Variants in PLCD1 observed in about 807,000 individuals in gnomAD.
PLCD1 encodes the protein 1-phosphatidylinositol 4,5-bisphosphate phosphodiesterase delta-1.
A neutral mutation model predicts 87.4 loss-of-function variants in PLCD1; 71 were observed. The observed-to-expected ratio is 0.81, with a 90% CI of 0.67 to 0.99. PLCD1 has a LOEUF of 0.99. PLCD1 is among the 50% of genes least tolerant of loss of function. The pLI is 0.00. For synonymous variants in PLCD1, 348 were observed against 399.2 expected, an observed-to-expected ratio of 0.87 and a Z score of 1.53; for missense variants, 867 against 1,001.5, an observed-to-expected ratio of 0.87 and a Z score of 1.81.
chr3:38,010,300 C>T, intron 6 of PLCD1, 25 bp from the exon 7 acceptor site: 1 of 1,614,178 alleles, frequency 6.2e-7, no homozygotes, highest in Non-Finnish European at 8.5e-7. Context: ...GTGGCTAGGA[C>T]CCTCCAGGTC....
intron 1 of PLCD1, among the ~76,000 whole-genome samples, chr3:38,022,280 C>A (rs1341542706): frequency 5.3e-5 from 8 of 152,224 alleles, no homozygotes; most frequent in Non-Finnish European, 7.3e-5. Flanking sequence ...ATATTCCCAA[C>A]TACTGGCTGT....
chr3:38,026,954 G>T (rs1417269060), intron 1 of PLCD1, among the ~76,000 whole-genome samples: 1 of 152,196 alleles, frequency 6.6e-6, no homozygotes, highest in Non-Finnish European at 1.5e-5. Context: ...CTCTTGCAGG[G>T]GTGGGGGCAA....
At chr3:38,014,782 T>G (rs1700130589) in intron 3 of PLCD1, 1 of 151,858 alleles carries the variant, frequency 6.6e-6, no homozygotes, top group African/African-American at 2.4e-5. Flanking sequence ...TACAACTCAA[T>G]AATAAAGACA....
intron 3 of PLCD1, among the ~76,000 whole-genome samples, 159 bp from the exon 4 acceptor site, chr3:38,011,832 G>GTTACGTCCCA (rs967011231): frequency 2.1e-5 from 2 of 94,448 alleles, no homozygotes; most frequent in African/African-American, 6.6e-5. Flanking sequence ...AGAGGAAAAT[G>GTTACGTCCCA]TTAAGGGGTC....
Position 38,007,604 on chromosome 3 carries a change from G to T in PLCD1, c.*169C>A. 1.4e-6 allele frequency: 1 copy of T among 704,738 alleles called. No individual in the cohort carries two copies. 43.7% of individuals were successfully genotyped at this position (704,738 alleles called of 1,614,324 possible). A position where few individuals can be genotyped will look rare whatever the true frequency, so the allele number is the denominator to read the frequency against. On this transcript the variant is annotated 3_prime_UTR_variant, in exon 15 of 15. Coordinates refer to ENST00000334661, the MANE Select transcript of PLCD1 (RefSeq NM_006225.4). Reference sequence around the variant, plus strand: ...AATGAAGGACAGCTCCAGGGACTGGGCTAGCTCCTGGTCCCCAGGGAGGCA... The same window carrying T: ...AATGAAGGACAGCTCCAGGGACTGGTCTAGCTCCTGGTCCCCAGGGAGGCA...
In PLCD1 at chr3:38,008,271, C is replaced by T. The variant is rs760972267; in HGVS notation, c.1999G>A (p.Val667Met). The T allele has an allele frequency of 7.4e-6, 12 of 1,614,028 alleles. No homozygotes were observed. Among genetic ancestry groups the T allele is most frequent in the African/African-American group, 1.3e-5 (1 of 74,940 alleles). ...TVEIHGVSRD[V>M]ASRQTAVITN... ...ATGACAGCAGTCTGGCGGCTGGCCA[C>T]GTCCCGGCTCACGCCATGGATCTCC... The change falls in exon 13 of 15, where the codon GTG becomes ATG. Residue 667 changes from valine to methionine, a missense_variant. By Grantham distance (21) the Val-to-Met change is conservative. Transcript: ENST00000334661.
At chr3:38,015,696 A>G (rs1219085627) in intron 3 of PLCD1, among the ~76,000 whole-genome samples, 1 of 152,248 alleles carries the variant, frequency 6.6e-6, no homozygotes, top group African/African-American at 2.4e-5. Context: ...CCAGTGTGTC[A>G]TTGTGTAACT....
Position 38,008,918 on chromosome 3 carries a change from A to G in PLCD1, c.1723+124T>C, listed in dbSNP as rs1173271369. 5.1e-6 allele frequency: 4 copies of G among 780,178 alleles called. No individual in the cohort carries two copies. The African/African-American group carries it at 5.2e-5, about 10-fold the overall frequency. The allele number at this position is 780,178 out of a possible 1,614,324, so 48.3% of individuals were successfully genotyped here. On this transcript the variant is annotated intron_variant, in intron 11 of 14. Coordinates refer to ENST00000334661, the MANE Select transcript of PLCD1 (RefSeq NM_006225.4). ...CCAGACTGATATTACCAGCTCCACA[A>G]GCCCCTGCATTTGACCCTGCTTGGG... is the stretch of plus-strand genomic sequence containing the variant.
rs1471122887 is a variant in PLCD1, at chr3:38,010,068, G to A, written c.1138-15C>T. 1.9e-6 allele frequency: 3 copies of A among 1,614,154 alleles called. No homozygotes were observed. Among genetic ancestry groups the A allele is most frequent in the Admixed American group, 1.7e-5 (1 of 60,034 alleles). On this transcript the variant is annotated splice_polypyrimidine_tract_variant and intron_variant, in intron 7 of 14. Coordinates refer to ENST00000334661, the MANE Select transcript of PLCD1 (RefSeq NM_006225.4). ...TAGGGGGACGCCTGGAGGCCCAAGGGCACATTAGGAGTGGTGGGCCACCCC... is the reference window on the plus strand; with the variant it reads ...TAGGGGGACGCCTGGAGGCCCAAGGACACATTAGGAGTGGTGGGCCACCCC...
chr3:38,009,356 A>C lies in PLCD1; in HGVS notation c.1522T>G (p.Ser508Ala), dbSNP rs766900159. ...YCKSVHFGGF[S>A]SPGTPGQAFY... is the part of the protein sequence containing the mutation. Reference sequence around the variant, plus strand: ...GCCTGTCCAGGGGTGCCAGGACTGGAGAAGCCCCCAAAGTGGACACTCTTG... The same window carrying C: ...GCCTGTCCAGGGGTGCCAGGACTGGCGAAGCCCCCAAAGTGGACACTCTTG... The change falls in exon 10 of 15, where the codon TCC (serine) becomes GCC (alanine). Residue 508 changes from serine to alanine, a missense_variant. Physicochemically the swap from Ser to Ala is moderately conservative, Grantham distance 99. Coordinates refer to ENST00000334661, the MANE Select transcript of PLCD1 (RefSeq NM_006225.4). The C allele has an allele frequency of 1.1e-5, 17 of 1,614,126 alleles. No individual in the cohort carries two copies. Among genetic ancestry groups the C allele is most frequent in the Non-Finnish European group, 1.4e-5 (17 of 1,179,978 alleles).
At chr3:38,020,103 T>G in intron 2 of PLCD1, 85 bp downstream of exon 2, 1 of 1,263,802 alleles carries the variant, frequency 7.9e-7, no homozygotes, top group South Asian at 1.2e-5. Context: ...ATCTGTGGTT[T>G]TGATCCATGA....
intron 10 of PLCD1, 32 bp downstream of exon 10, chr3:38,009,240 G>A: frequency 6.2e-7 from 1 of 1,613,822 alleles, no homozygotes; most frequent in Non-Finnish European, 8.5e-7. Context: ...CTCTGTAACA[G>A]AGCAGGGGAG....
In PLCD1 at chr3:38,020,369, G is replaced by T; in HGVS notation, c.35-17C>A. 1 of 1,613,086 alleles carries T rather than the reference G, an allele frequency of 6.2e-7. No individual in the cohort carries two copies. Among genetic ancestry groups the T allele is most frequent in the Non-Finnish European group, 8.5e-7 (1 of 1,179,564 alleles). ...CCTGTAGGCCTGGGGATCAAAGCCA[G>T]TAAGATGCCACCTTCTCCACTAGTT... On this transcript the variant is annotated splice_polypyrimidine_tract_variant and intron_variant, in intron 1 of 14. Coordinates refer to ENST00000334661, the MANE Select transcript of PLCD1 (RefSeq NM_006225.4).
chr3:38,008,660 C>T, intron 11 of PLCD1, 24 bp from the exon 12 acceptor site: 2 of 1,612,100 alleles, frequency 1.2e-6, no homozygotes, highest in Non-Finnish European at 1.7e-6. Context: ...AGAGCAGTCA[C>T]AGGCTGTGGG....
intron 1 of PLCD1, chr3:38,024,919 C>T (rs956161973): frequency 7.7e-6 from 2 of 259,046 alleles, no homozygotes; most frequent in South Asian, 7.4e-5. Context: ...GATCCAGAAC[C>T]CAGGAGGCGG....
intron 3 of PLCD1, among the ~76,000 whole-genome samples, chr3:38,012,328 A>T (rs544128716): frequency 1.3e-5 from 2 of 151,854 alleles, no homozygotes; most frequent in African/African-American, 4.8e-5. Context: ...ATAATATATA[A>T]TAATAAATAT....
chr3:38,027,047 G>A (rs1394031240), intron 1 of PLCD1, among the ~76,000 whole-genome samples: 2 of 152,132 alleles, frequency 1.3e-5, no homozygotes, highest in Non-Finnish European at 2.9e-5. Flanking sequence ...TGTCCTTTGG[G>A]GCACATCGGG....
chr3:38,024,964 T>C (rs1700292048), intron 1 of PLCD1, among the ~76,000 whole-genome samples: 1 of 150,624 alleles, frequency 6.6e-6, no homozygotes. Context: ...GGAGGCGGAG[T>C]GGGACAAATC....
In PLCD1 at chr3:38,025,717, AACAGTGGGTCCTTTCATGT is replaced by A. The variant is rs2125552265; in HGVS notation, c.34+3770_34+3788del. Among the ~76,000 whole-genome samples the A allele has an allele frequency of 6.6e-6, 1 of 152,338 alleles. No individual in the cohort carries two copies. Among genetic ancestry groups the A allele is most frequent in the East Asian group, 1.9e-4 (1 of 5,196 alleles). On this transcript the variant is annotated intron_variant, in intron 1 of 14. Coordinates refer to ENST00000334661, the MANE Select transcript of PLCD1 (RefSeq NM_006225.4). The surrounding 1 kb of genome is among the most constrained non-coding windows in gnomAD (Gnocchi z 4.0). ...AAACTTTGCTGCCAATATGCTCGGG[AACAGTGGGTCCTTTCATGT>A]ACATCACAACTTCCCTTTCATTCAC...
Sources: gnomAD v4.1 joint callset for allele counts (sites outside exome capture counted in the v4.1 genomes callset) on GRCh38, gnomAD v4.1.1 for gene constraint, Gnocchi (gnomAD v3.1) non-coding constraint, MANE v1.5 for transcripts, NCBI Gene and HGNC (gene_info 2026-07-23, HGNC 2026-07-21) for gene names.